The following MIA2 variants were observed in gnomAD, a reference collection of about 807,000 sequenced individuals.
The protein encoded by MIA2 is MIA SH3 domain ER export factor 2, also known as melanoma inhibitory activity protein 2.
MIA2 carries 127 observed loss-of-function variants against 167.8 expected under a neutral mutation model. The observed-to-expected ratio is 0.76, with a 90% CI of 0.66 to 0.88. The LOEUF is 0.88. Ranked by LOEUF, MIA2 falls within the 40% of genes least tolerant of loss-of-function variation. The probability of loss-of-function intolerance (pLI) is 0.00; values close to 1 mark genes in which losing one functional copy is unlikely to be tolerated. For synonymous variants in MIA2, 552 were observed against 541.9 expected, an observed-to-expected ratio of 1.02 and a Z score of -0.26; for missense variants, 1,690 against 1,624.7, an observed-to-expected ratio of 1.04 and a Z score of -0.69.
chr14:39,356,205 C>G (rs1234967833), downstream of MIA2, among the ~76,000 whole-genome samples: 1 of 152,212 alleles, frequency 6.6e-6, no homozygotes, highest in East Asian at 1.9e-4. Flanking sequence ...GGTTGGTAAG[C>G]TATTAATTAT....
At chr14:39,299,723 A>G (rs758071017) in intron 13 of MIA2, 141 bp from the exon 14 acceptor site, 4 of 720,768 alleles carry the variant, frequency 5.5e-6, no homozygotes, top group Non-Finnish European at 8.5e-6. Flanking sequence ...TGTGTGTGTT[A>G]TTTTACACTA....
At chr14:39,366,677 T>C (rs2074829118) in intron 23 of MIA2, among the ~76,000 whole-genome samples, 1 of 152,228 alleles carries the variant, frequency 6.6e-6, no homozygotes, top group Non-Finnish European at 1.5e-5. Context: ...GTGGTATGCA[T>C]GGGTGCAGTT....
intron 23 of MIA2, among the ~76,000 whole-genome samples, chr14:39,359,945 A>G (rs1260300538): frequency 6.6e-6 from 1 of 150,504 alleles, no homozygotes; most frequent in East Asian, 1.9e-4. Flanking sequence ...TTACATTCCT[A>G]CCAACAGTGT....
chr14:39,338,247 C>T (rs2070909857), intron 25 of MIA2, among the ~76,000 whole-genome samples: 1 of 152,130 alleles, frequency 6.6e-6, no homozygotes, highest in African/African-American at 2.4e-5. Context: ...GTACCAATGT[C>T]AGTTTTCTGG....
intron 6 of MIA2, among the ~76,000 whole-genome samples, chr14:39,261,388 A>G (rs999221736): frequency 2.2e-4 from 33 of 152,074 alleles, no homozygotes; most frequent in Admixed American, 6.5e-4. Context: ...CCAGTCTATC[A>G]TTGTTGGACA....
In MIA2 at chr14:39,350,448, T is replaced by G. The variant is rs2074266060; in HGVS notation, c.*184T>G. ...ATCTTATGAGTAAATTATTTCAATT[T>G]TATTTTAGACGGTATAACTATTTCA... On this transcript the variant is annotated 3_prime_UTR_variant, in exon 29 of 29. Coordinates refer to ENST00000640607, the MANE Select transcript of MIA2 (RefSeq NM_001329214.4). 1 of 442,366 alleles carries G rather than the reference T, an allele frequency of 2.3e-6. No individual in the cohort carries two copies. Among genetic ancestry groups the G allele is most frequent in the East Asian group, 3.6e-5 (1 of 27,934 alleles). The allele number at this position is 442,366 out of a possible 1,614,324, so 27.4% of individuals were successfully genotyped here.
intron 13 of MIA2, among the ~76,000 whole-genome samples, chr14:39,295,767 C>G (rs976217678): frequency 1.4e-4 from 22 of 152,102 alleles, no homozygotes; most frequent in Non-Finnish European, 2.4e-4. Flanking sequence ...ACCATATTGG[C>G]CAGGATGGTC....
intron 23 of MIA2, among the ~76,000 whole-genome samples, chr14:39,358,154 A>G (rs984127009): frequency 1.3e-5 from 2 of 152,200 alleles, no homozygotes; most frequent in African/African-American, 2.4e-5. Context: ...GTGTTTTCCA[A>G]CTTGGTTCCA....
At chr14:39,243,391 G>A (rs924397534) in intron 3 of MIA2, among the ~76,000 whole-genome samples, 2 of 152,134 alleles carry the variant, frequency 1.3e-5, no homozygotes, top group South Asian at 2.1e-4. Context: ...CTAAACACTT[G>A]ACTCATTTAA....
intron 6 of MIA2, among the ~76,000 whole-genome samples, chr14:39,259,454 G>C (rs2054975784): frequency 6.6e-6 from 1 of 152,236 alleles, no homozygotes; most frequent in Non-Finnish European, 1.5e-5. Flanking sequence ...CTTGGCAAGA[G>C]TAATCTGAAA....
At chr14:39,318,368 G>GA (rs1420836846) in intron 22 of MIA2, among the ~76,000 whole-genome samples, 1 of 152,080 alleles carries the variant, frequency 6.6e-6, no homozygotes, top group Non-Finnish European at 1.5e-5. Context: ...AAGTAGATAG[G>GA]ATAATATTCA....
At chr14:39,367,765 C>T (rs1291788363) in intron 23 of MIA2, among the ~76,000 whole-genome samples, 7 of 152,130 alleles carry the variant, frequency 4.6e-5, no homozygotes, top group Non-Finnish European at 1.0e-4. Context: ...TGTCAGATGC[C>T]TCTCGTCTGC....
chr14:39,234,095 TC>T lies in MIA2; in HGVS notation c.-17del. On this transcript the variant is annotated 5_prime_UTR_variant, in exon 1 of 29. Transcript: ENST00000640607. ...AATTGGCTTAAACTTCACTTGGGAT[TC>T]CCGGTTGCTTGTTTTAGCATGGCAA... 6.6e-7 allele frequency: 1 copy of T among 1,515,738 alleles called. No individual in the cohort carries two copies. Among genetic ancestry groups the T allele is most frequent in the Non-Finnish European group, 9.1e-7 (1 of 1,101,054 alleles). 93.9% of individuals were successfully genotyped at this position (1,515,738 alleles called of 1,614,324 possible).
Position 39,361,437 on chromosome 14 carries a change from G to GTT in MIA2, c.2248+12474_2248+12475dup, listed in dbSNP as rs71130845. Among the ~76,000 whole-genome samples, 427 of 139,474 alleles carry GTT rather than the reference G, an allele frequency of 3.1e-3. 5 individuals are homozygous for GTT. Among genetic ancestry groups the GTT allele is most frequent in the Non-Finnish European group, 4.5e-3 (291 of 65,298 alleles). The allele number at this position is 139,474 out of a possible 152,430, so 91.5% of individuals were successfully genotyped here. Reference sequence around the variant, plus strand: ...TCTGACTAGGACTTTTAGGTGTGTGGTTTTTTTTTTTTTTTCCTGAGACAG... The same window carrying GTT: ...TCTGACTAGGACTTTTAGGTGTGTGGTTTTTTTTTTTTTTTTTCCTGAGACAG... On this transcript the variant is annotated intron_variant, in intron 23 of 23. Transcript: ENST00000341502.
chr14:39,318,241 A>G (rs1019426977), intron 22 of MIA2, among the ~76,000 whole-genome samples: 6 of 152,196 alleles, frequency 3.9e-5, no homozygotes, highest in Non-Finnish European at 7.4e-5. Context: ...TGCAAAAAGT[A>G]TAACTAGAAT....
chr14:39,298,077 C>G (rs1490260220), intron 13 of MIA2, among the ~76,000 whole-genome samples: 5 of 151,668 alleles, frequency 3.3e-5, no homozygotes, highest in African/African-American at 1.2e-4. Context: ...TGTTTTCTGC[C>G]ATTTTAATAG....
In MIA2 at chr14:39,360,330, T is replaced by C. The variant is rs114434102; in HGVS notation, c.2248+11353T>C. On this transcript the variant is annotated intron_variant, in intron 23 of 23. Coordinates refer to the MIA2 transcript ENST00000341502. ...CCATTCTAACTGTGGTAAGATGATA[T>C]CTCACTGTGGCTTTGATTTCCATTT... Among the ~76,000 whole-genome samples the C allele has an allele frequency of 4.4e-3, 664 of 152,324 alleles. 4 individuals carry two copies. The highest frequency in any genetic ancestry group is 0.015 in the African/African-American group (634 of 41,570).
At chr14:39,289,856 CTGTGTCT>C (rs769264473) in intron 9 of MIA2, among the ~76,000 whole-genome samples, 1 of 152,164 alleles carries the variant, frequency 6.6e-6, no homozygotes. Flanking sequence ...AGGAGAGAAT[CTGTGTCT>C]TGTGTCTTAT....
rs1177325189 is a variant in MIA2, at chr14:39,252,748, A to T, written c.1568A>T (p.Asp523Val). ...CACATTTCTTTTTATTTATTTGTAGATATGGTCTCTAACATAGAGTTACCT... is the reference window on the plus strand; with the variant it reads ...CACATTTCTTTTTATTTATTTGTAGTTATGGTCTCTAACATAGAGTTACCT... The part of the protein sequence containing the change: ...MIFKSSYSLS[D>V]MVSNIELPTR... The change falls in exon 5 of 29, where the codon GAT becomes GTT. Residue 523 changes from aspartate to valine, a missense_variant and splice_region_variant. Physicochemically the swap from Asp to Val is radical, Grantham distance 152. Transcript: ENST00000640607. 1.9e-6 allele frequency: 3 copies of T among 1,598,438 alleles called. No homozygotes were observed. Among genetic ancestry groups the T allele is most frequent in the Non-Finnish European group, 2.6e-6 (3 of 1,169,968 alleles).
Sources: allele counts gnomAD v4.1 joint callset (sites outside exome capture counted in the v4.1 genomes callset), GRCh38; gene constraint gnomAD v4.1.1; transcripts MANE v1.5; gene names NCBI Gene and HGNC (gene_info 2026-07-23, HGNC 2026-07-21).